The following GULP1 variants were observed in gnomAD, a reference collection of about 807,000 sequenced individuals.
GULP1 encodes GULP PTB domain containing engulfment adaptor 1, also known as PTB domain-containing engulfment adapter protein 1.
In GULP1, 19 loss-of-function variants were observed where a neutral mutation model predicts 40.9. That is an observed-to-expected ratio of 0.46 (90% CI 0.32 to 0.68). The LOEUF is 0.68. Ranked by LOEUF, GULP1 falls within the 30% of genes least tolerant of loss-of-function variation. The pLI, the probability that GULP1 is intolerant of heterozygous loss-of-function variation, is 0.03. For synonymous variants in GULP1, 119 were observed against 117.6 expected, an observed-to-expected ratio of 1.01 and a Z score of -0.08; for missense variants, 312 against 362.2, an observed-to-expected ratio of 0.86 and a Z score of 1.12.
chr2:188,478,221 G>A (rs2061180519), intron 3 of GULP1, among the ~76,000 whole-genome samples: 1 of 151,948 alleles, frequency 6.6e-6, no homozygotes, highest in Non-Finnish European at 1.5e-5. Flanking sequence ...TTTTTAGGTA[G>A]GAATTTAAAT....
intron 1 of GULP1, among the ~76,000 whole-genome samples, chr2:188,337,348 C>T (rs188011876): frequency 2.1e-4 from 32 of 151,390 alleles, no homozygotes; most frequent in African/African-American, 7.5e-4. Context: ...TCATGTTGAC[C>T]AGGCTGGTCA....
intron 7 of GULP1, among the ~76,000 whole-genome samples, chr2:188,560,955 C>T (rs1313175820): frequency 6.6e-6 from 1 of 152,210 alleles, no homozygotes; most frequent in African/African-American, 2.4e-5. Context: ...CCAATCACCT[C>T]CCACCAGGTC....
chr2:188,472,851 TTGTC>T (rs2060700834), intron 2 of GULP1, among the ~76,000 whole-genome samples: 1 of 152,224 alleles, frequency 6.6e-6, no homozygotes, highest in Admixed American at 6.5e-5. Flanking sequence ...TTGTAGATGA[TTGTC>T]TGTGTCTGGG....
intron 2 of GULP1, among the ~76,000 whole-genome samples, chr2:188,461,775 T>C (rs1394001165): frequency 6.6e-6 from 1 of 152,198 alleles, no homozygotes; most frequent in Non-Finnish European, 1.5e-5. Context: ...ATTTCTGGGA[T>C]AGCAGTTGTA....
chr2:188,314,664 T>G (rs983688699), intron 1 of GULP1, among the ~76,000 whole-genome samples: 2 of 152,178 alleles, frequency 1.3e-5, no homozygotes, highest in Admixed American at 6.5e-5. Context: ...CTACACTTTC[T>G]TTATGTACCT....
intron 2 of GULP1, among the ~76,000 whole-genome samples, chr2:188,440,286 A>G (rs1027189575): frequency 2.0e-5 from 3 of 152,214 alleles, no homozygotes; most frequent in Admixed American, 6.5e-5. Context: ...ATGTCATTCA[A>G]ATGCTAAACT....
At chr2:188,477,814 CTTG>C in intron 3 of GULP1, 84 bp downstream of exon 3, 2 of 1,066,188 alleles carry the variant, frequency 1.9e-6, no homozygotes, top group Non-Finnish European at 2.8e-6. Flanking sequence ...ATCAGTTTTT[CTTG>C]TTGTCAAACC....
chr2:188,576,686 C>T (rs1001345313), intron 9 of GULP1, among the ~76,000 whole-genome samples: 3 of 152,040 alleles, frequency 2.0e-5, no homozygotes, highest in African/African-American at 7.2e-5. Flanking sequence ...TATTACATAC[C>T]TCTGCATCAC....
chr2:188,408,250 A>G (rs1384058808), intron 2 of GULP1, among the ~76,000 whole-genome samples: 1 of 152,166 alleles, frequency 6.6e-6, no homozygotes, highest in Non-Finnish European at 1.5e-5. Flanking sequence ...TGCCAGCACC[A>G]TACTCTTGGA....
intron 2 of GULP1, among the ~76,000 whole-genome samples, chr2:188,441,743 G>A (rs1410439527): frequency 6.6e-6 from 1 of 152,154 alleles, no homozygotes; most frequent in Non-Finnish European, 1.5e-5. Context: ...CCACCACTGA[G>A]CCTCCCACCT....
At chr2:188,500,996 T>A (rs1237720476) in intron 4 of GULP1, among the ~76,000 whole-genome samples, 1 of 151,946 alleles carries the variant, frequency 6.6e-6, no homozygotes, top group African/African-American at 2.4e-5. Context: ...TCTGTCTTTA[T>A]GTTCATGACA....
rs189447920 is a variant in GULP1 at position 188,546,913 on chromosome 2, A to G, written c.399+5595A>G. On this transcript the variant is annotated intron_variant, in intron 7 of 11. Transcript: ENST00000409830. ...AATATCAAAAGAATAAGAGGATCCTATAAAGAACTTTACACACACAAATTC... is the reference window on the plus strand; with the variant it reads ...AATATCAAAAGAATAAGAGGATCCTGTAAAGAACTTTACACACACAAATTC... 2.3e-3 allele frequency among the ~76,000 whole-genome samples: 348 copies of G among 152,150 alleles called. 5 individuals are homozygous for G. Among genetic ancestry groups the G allele is most frequent in the Middle Eastern group, 0.01 (3 of 290 alleles).
intron 2 of GULP1, among the ~76,000 whole-genome samples, chr2:188,440,035 A>T (rs1228346833): frequency 1.3e-5 from 2 of 152,200 alleles, no homozygotes; most frequent in East Asian, 3.8e-4. Context: ...GAGGAGATAC[A>T]TTTTTTGAAA....
chr2:188,567,231 CAAGGATCTAGA>C (rs1559386841), intron 7 of GULP1, among the ~76,000 whole-genome samples: 1 of 152,112 alleles, frequency 6.6e-6, no homozygotes, highest in Admixed American at 6.6e-5. Context: ...GGCGATTCCT[CAAGGATCTAGA>C]ACTAGAACTA....
Position 188,314,431 on chromosome 2 carries a change from AT to A in GULP1, c.-172+22270del, listed in dbSNP as rs563985782. Among the ~76,000 whole-genome samples, 88 of 151,908 alleles carry A rather than the reference AT, an allele frequency of 5.8e-4. 1 individual carries two copies. The highest frequency in any genetic ancestry group is 2.0e-3 in the African/African-American group (84 of 41,438). ...CTAGATCTTTATCCTCCCCCTCTCC[AT>A]TTTTCATGATTTAGTTTCTTGCATA... On this transcript the variant is annotated intron_variant, in intron 1 of 11. Coordinates refer to ENST00000409830, the MANE Select transcript of GULP1 (RefSeq NM_016315.4).
intron 1 of GULP1, among the ~76,000 whole-genome samples, chr2:188,332,741 C>T (rs1275396972): frequency 6.6e-6 from 1 of 151,916 alleles, no homozygotes; most frequent in African/African-American, 2.4e-5. Flanking sequence ...CTTTGAAAGG[C>T]CCTATGCAAA....
chr2:188,582,663 G>T (rs1366535072), intron 9 of GULP1: 2 of 386,026 alleles, frequency 5.2e-6, no homozygotes, highest in Non-Finnish European at 1.1e-5. Flanking sequence ...AAATTTAGAT[G>T]TATCTTGAGT....
At chr2:188,301,174 A>G (rs1446800603) in intron 1 of GULP1, among the ~76,000 whole-genome samples, 1 of 152,096 alleles carries the variant, frequency 6.6e-6, no homozygotes, top group Non-Finnish European at 1.5e-5. Context: ...GCCACCATGC[A>G]TGGCTAATTT....
chr2:188,500,977 G>A (rs1271746499), intron 4 of GULP1, among the ~76,000 whole-genome samples: 1 of 151,844 alleles, frequency 6.6e-6, no homozygotes, highest in Non-Finnish European at 1.5e-5. Flanking sequence ...AAATTTGTCA[G>A]GCATGTATTC....
Sources: gnomAD v4.1 joint callset for allele counts (sites outside exome capture counted in the v4.1 genomes callset) on GRCh38, gnomAD v4.1.1 for gene constraint, MANE v1.5 for transcripts, NCBI Gene and HGNC (gene_info 2026-07-23, HGNC 2026-07-21) for gene names.